The following ZCCHC4 variants were observed in gnomAD, a reference collection of about 807,000 sequenced individuals.
The protein encoded by ZCCHC4 is rRNA N(6)-adenosine-methyltransferase ZCCHC4.
ZCCHC4 carries 54 observed loss-of-function variants against 67.7 expected under a neutral mutation model. That is an observed-to-expected ratio of 0.80 (90% CI 0.64 to 1.00). The LOEUF is 1.00. Ranked by LOEUF, ZCCHC4 falls within the 50% of genes least tolerant of loss-of-function variation. The pLI, the probability that ZCCHC4 is intolerant of heterozygous loss-of-function variation, is 0.00. For missense variants in ZCCHC4, 609 were observed against 617.0 expected, an observed-to-expected ratio of 0.99 and a Z score of 0.14; for synonymous variants, 198 against 213.5, an observed-to-expected ratio of 0.93 and a Z score of 0.63.
At chr4:25,368,920 T>C in intron 12 of ZCCHC4, 109 bp from the exon 13 acceptor site, 1 of 1,310,384 alleles carries the variant, frequency 7.6e-7, no homozygotes, top group Non-Finnish European at 1.0e-6. Context: ...CAGTAGATTC[T>C]TTCCCTTCTT....
At chr4:25,322,511 A>C (rs1718635551) in intron 3 of ZCCHC4, among the ~76,000 whole-genome samples, 1 of 151,850 alleles carries the variant, frequency 6.6e-6, no homozygotes, top group Non-Finnish European at 1.5e-5. Flanking sequence ...TGAATTGTAC[A>C]CTTTATTTTT....
At chr4:25,327,077 G>A (rs1434825215) in intron 3 of ZCCHC4, among the ~76,000 whole-genome samples, 3 of 152,122 alleles carry the variant, frequency 2.0e-5, no homozygotes, top group Non-Finnish European at 4.4e-5. Flanking sequence ...ACTAGTTCTA[G>A]CAGGCTTTTT....
At chr4:25,334,447 G>A (rs1719351449) in intron 5 of ZCCHC4, among the ~76,000 whole-genome samples, 1 of 152,208 alleles carries the variant, frequency 6.6e-6, no homozygotes, top group African/African-American at 2.4e-5. Flanking sequence ...CTGGAGTGAA[G>A]GGAGTGCTAA....
chr4:25,354,561 G>A (rs549740375), intron 8 of ZCCHC4, among the ~76,000 whole-genome samples: 41 of 152,260 alleles, frequency 2.7e-4, no homozygotes, highest in Admixed American at 9.2e-4. Flanking sequence ...ATTTGATTAC[G>A]TTCTTGGACA....
In ZCCHC4 at chr4:25,333,334, C is replaced by G. The variant is rs541533330; in HGVS notation, c.481C>G (p.Leu161Val). 6.2e-7 allele frequency: 1 copy of G among 1,614,104 alleles called. No homozygotes were observed. Among genetic ancestry groups the G allele is most frequent in the South Asian group, 1.1e-5 (1 of 91,070 alleles). Residue 161 changes from leucine to valine, a missense_variant, in exon 4 of 13, where the codon CTT becomes GTT. Coordinates refer to ENST00000302874, the MANE Select transcript of ZCCHC4 (RefSeq NM_024936.3). Reference protein sequence around the residue: ...ITQLRRPSQLLYPLENKKTNA... With the variant: ...ITQLRRPSQLVYPLENKKTNA... ...CCAGTTAAGAAGGCCCAGTCAACTC[C>G]TTTATCCACTGGAAAACAAGAAGAC... is the stretch of plus-strand genomic sequence containing the variant.
At chr4:25,358,547 T>C (rs562627293) in intron 8 of ZCCHC4, among the ~76,000 whole-genome samples, 5 of 152,228 alleles carry the variant, frequency 3.3e-5, no homozygotes, top group Admixed American at 6.5e-5. Flanking sequence ...ACAAATCTCT[T>C]TAATAATGAA....
At chr4:25,315,172 A>G in intron 2 of ZCCHC4, 146 bp from the exon 3 acceptor site, 1 of 624,656 alleles carries the variant, frequency 1.6e-6, no homozygotes, top group Non-Finnish European at 2.7e-6. Flanking sequence ...GAATTTTCCC[A>G]GTTTTCGCTG....
intron 12 of ZCCHC4, among the ~76,000 whole-genome samples, chr4:25,366,706 T>C (rs1452431351): frequency 1.3e-5 from 2 of 152,230 alleles, no homozygotes; most frequent in Non-Finnish European, 2.9e-5. Flanking sequence ...TGCTGTACCA[T>C]TGTCAGTGTG....
intron 8 of ZCCHC4, among the ~76,000 whole-genome samples, chr4:25,360,473 C>T (rs1720686975): frequency 6.6e-6 from 1 of 152,220 alleles, no homozygotes; most frequent in African/African-American, 2.4e-5. Flanking sequence ...GATAAAGAAG[C>T]AGTTCATAAC....
intron 3 of ZCCHC4, among the ~76,000 whole-genome samples, chr4:25,317,723 A>G (rs535522080): frequency 1.0e-4 from 14 of 136,902 alleles, no homozygotes; most frequent in East Asian, 6.2e-4. Context: ...AAAAAAAAAA[A>G]AAAGAAAGAA....
At chr4:25,365,875 C>G in intron 12 of ZCCHC4, 1 of 985,236 alleles carries the variant, frequency 1.0e-6, no homozygotes. Context: ...AATGATTATA[C>G]TTTTTTCCTA....
At chr4:25,325,732 T>G (rs1718847444) in intron 3 of ZCCHC4, among the ~76,000 whole-genome samples, 2 of 152,250 alleles carry the variant, frequency 1.3e-5, no homozygotes, top group Admixed American at 1.3e-4. Flanking sequence ...TTAAGAAATC[T>G]TTGCCAAACC....
chr4:25,338,616 T>A (rs1038931375), intron 5 of ZCCHC4, among the ~76,000 whole-genome samples: 2 of 152,188 alleles, frequency 1.3e-5, no homozygotes, highest in African/African-American at 2.4e-5. Flanking sequence ...GCTTTGCCTA[T>A]TCTAGATATT....
intron 8 of ZCCHC4, among the ~76,000 whole-genome samples, chr4:25,361,283 G>A (rs1265843874): frequency 6.6e-6 from 1 of 152,210 alleles, no homozygotes; most frequent in African/African-American, 2.4e-5. Context: ...GTTGTTGTGT[G>A]TTATGAATTC....
At chr4:25,323,994 C>T (rs1414952287) in intron 3 of ZCCHC4, among the ~76,000 whole-genome samples, 1 of 71,770 alleles carries the variant, frequency 1.4e-5, no homozygotes, top group East Asian at 3.7e-4. Flanking sequence ...GGTAATCGTA[C>T]AGTATGTACT....
chr4:25,331,496 G>A (rs1235311476), intron 3 of ZCCHC4, among the ~76,000 whole-genome samples: 1 of 152,006 alleles, frequency 6.6e-6, no homozygotes, highest in African/African-American at 2.4e-5. Flanking sequence ...TGTAGAGATG[G>A]AGTCTCAACT....
At position 25,364,623 on chromosome 4, in the gene ZCCHC4, A is replaced by C. The variant is rs1720873004; in HGVS notation, c.1261+118A>C. 10 of 926,372 alleles carry C rather than the reference A, an allele frequency of 1.1e-5. No homozygotes were observed. In the South Asian group the frequency reaches 1.2e-4, roughly 11 times the overall value. 57.4% of individuals were successfully genotyped at this position (926,372 alleles called of 1,614,324 possible). On this transcript the variant is annotated intron_variant, in intron 11 of 12. Transcript: ENST00000302874. ...AAAATAATCAGTGTAGAGACTTGTA[A>C]TTTATTTGCTTTTTAATTTTATAGT...
At chr4:25,335,140 A>G (rs1320772902) in intron 5 of ZCCHC4, among the ~76,000 whole-genome samples, 1 of 152,202 alleles carries the variant, frequency 6.6e-6, no homozygotes, top group Non-Finnish European at 1.5e-5. Flanking sequence ...AAAGTGTAAA[A>G]TGTCCGTTTA....
At position 25,345,543 on chromosome 4, in the gene ZCCHC4, TACAGGTATTC is replaced by T; in HGVS notation, c.687_696del (p.Tyr230PhefsTer42). ...TGGGCAAATAACTCTGTAATTATTT[TACAGGTATTC>T]ACAGTTTTATATGGAAGATAGCTTT... On this transcript the variant is annotated splice_acceptor_variant and splice_polypyrimidine_tract_variant and coding_sequence_variant and intron_variant, in exon 6 of 13. Coordinates refer to ENST00000302874, the MANE Select transcript of ZCCHC4 (RefSeq NM_024936.3). LOFTEE classifies it high-confidence loss of function. 6 of 1,443,714 alleles carry T rather than the reference TACAGGTATTC, an allele frequency of 4.2e-6. No homozygotes were observed. In the African/African-American group the frequency reaches 8.4e-5, roughly 20 times the overall value. The allele number at this position is 1,443,714 out of a possible 1,614,324, so 89.4% of individuals were successfully genotyped here.
Sources: gnomAD v4.1 joint callset for allele counts (sites outside exome capture counted in the v4.1 genomes callset) on GRCh38, gnomAD v4.1.1 for gene constraint, MANE v1.5 for transcripts, NCBI Gene and HGNC (gene_info 2026-07-23, HGNC 2026-07-21) for gene names.